Variants in FAM118A observed in about 807,000 individuals in gnomAD.
FAM118A encodes the protein protein FAM118A.
A neutral mutation model predicts 38.2 loss-of-function variants in FAM118A; 25 were observed. The observed-to-expected ratio is 0.65, with a 90% CI of 0.48 to 0.91. The LOEUF is 0.91. Among genes scored for constraint, FAM118A ranks in the 40% least tolerant of loss-of-function variants. The pLI is 0.00. For synonymous variants in FAM118A, 178 were observed against 184.1 expected (o/e 0.97, Z 0.27); for missense variants, 425 against 463.3 (o/e 0.92, Z 0.76).
At chr22:45,312,425 C>T (rs1039070820) in intron 1 of FAM118A, among the ~76,000 whole-genome samples, 10 of 152,176 alleles carry the variant, frequency 6.6e-5, no homozygotes, top group African/African-American at 2.4e-4. Flanking sequence ...GTAATCCTAG[C>T]ACTTTGGTAG....
rs2085796695 is a variant in FAM118A, at chr22:45,332,548, C to T, written c.775C>T (p.His259Tyr). 6.2e-7 allele frequency: 1 copy of T among 1,614,062 alleles called. No individual in the cohort carries two copies. Among genetic ancestry groups the T allele is most frequent in the Non-Finnish European group, 8.5e-7 (1 of 1,180,056 alleles). Residue 259 changes from histidine (H) to tyrosine (Y), a missense_variant, in exon 6 of 9, where the codon CAC becomes TAC. Physicochemically the swap from His to Tyr is moderately conservative, Grantham distance 83. Transcript: ENST00000441876. ...YSVPNKVDLEHYMLVLKENED... is the reference protein window; with the variant it reads ...YSVPNKVDLEYYMLVLKENED... ...CGTGCCGAATAAGGTGGATTTGGAG[C>T]ACTACATGCTTGTGCTGAAGGAGAA...
intron 8 of FAM118A, among the ~76,000 whole-genome samples, chr22:45,337,365 G>A (rs547873244): frequency 1.3e-5 from 2 of 152,214 alleles, no homozygotes; most frequent in Admixed American, 1.3e-4. Context: ...CCAGTGCCAC[G>A]CCGCCTGTGC....
chr22:45,308,965 T>C (rs1481303029), upstream of FAM118A: 1 of 152,228 alleles, frequency 6.6e-6, no homozygotes, highest in Non-Finnish European at 1.5e-5. Context: ...AGGAAGTGGA[T>C]TGGGTCTTGT....
intron 8 of FAM118A, chr22:45,337,692 C>T: frequency 3.7e-6 from 1 of 266,684 alleles, no homozygotes; most frequent in Non-Finnish European, 5.8e-6. Context: ...GGACTGCTAC[C>T]TCCTGAGCTC....
chr22:45,326,318 G>T (rs2085263382), intron 3 of FAM118A, among the ~76,000 whole-genome samples: 1 of 152,146 alleles, frequency 6.6e-6, no homozygotes. Context: ...CTCCTGTCAA[G>T]GCCACCGGTG....
intron 1 of FAM118A, chr22:45,322,107 C>G (rs748017057): frequency 2.1e-5 from 26 of 1,228,384 alleles, no homozygotes; most frequent in Non-Finnish European, 2.7e-5. Flanking sequence ...TTCATCTGCT[C>G]CTGTGTGTGC....
At chr22:45,319,447 G>T (rs753063206) in intron 1 of FAM118A, among the ~76,000 whole-genome samples, 1 of 152,304 alleles carries the variant, frequency 6.6e-6, no homozygotes, top group South Asian at 2.1e-4. Context: ...CCCAAGTCCT[G>T]CCCCACAGCA....
rs964954451 is a variant in FAM118A, at chr22:45,312,902, G to A, written c.-10+2719G>A. Reference sequence around the variant, plus strand: ...AACCCAGCCCTTTTATGCCTTTTATGGAGACGACTTAAGCATGTAGGCATG... The same window carrying A: ...AACCCAGCCCTTTTATGCCTTTTATAGAGACGACTTAAGCATGTAGGCATG... On this transcript the variant is annotated intron_variant, in intron 1 of 8. Coordinates refer to ENST00000441876, the MANE Select transcript of FAM118A (RefSeq NM_017911.4). Among the ~76,000 whole-genome samples the A allele has an allele frequency of 2.1e-4, 32 of 152,226 alleles. No individual in the cohort carries two copies. In the Middle Eastern group the frequency reaches 0.01, roughly 49 times the overall value.
intron 1 of FAM118A, among the ~76,000 whole-genome samples, chr22:45,321,165 G>A (rs1276275021): frequency 6.6e-6 from 1 of 152,154 alleles, no homozygotes; most frequent in Non-Finnish European, 1.5e-5. Context: ...TGCCTAGGCT[G>A]GAGTGCAGTG....
rs141212109 is a variant in FAM118A at position 45,330,708 on chromosome 22, G to A, written c.628G>A (p.Val210Ile). 42 of 1,583,352 alleles carry A rather than the reference G, an allele frequency of 2.7e-5. No homozygotes were observed. The highest frequency in any genetic ancestry group is 1.4e-4 in the South Asian group (12 of 86,638). ...VVLDPSGYKD[V>I]TQDAEVMEVL... The stretch of plus-strand genomic sequence containing the variant: ...GCTGGACCCATCGGGGTATAAAGAC[G>A]TCACTCAAGACGCAGAAGTCATGGT... Residue 210 changes from valine (V) to isoleucine (I), a missense_variant, in exon 5 of 9, where the codon GTC becomes ATC. Val to Ile is a conservative substitution (Grantham distance 29). Coordinates refer to ENST00000441876, the MANE Select transcript of FAM118A (RefSeq NM_017911.4).
At chr22:45,328,774 T>A in intron 4 of FAM118A, 1 of 323,804 alleles carries the variant, frequency 3.1e-6, no homozygotes, top group Non-Finnish European at 5.8e-6. Flanking sequence ...TGAGACCCTG[T>A]CTCAAAAAAC....
chr22:45,320,231 G>T (rs904599720), intron 1 of FAM118A, among the ~76,000 whole-genome samples: 1 of 152,046 alleles, frequency 6.6e-6, no homozygotes, highest in East Asian at 1.9e-4. Context: ...TTGGGAGGCC[G>T]ATGCAGGCGG....
intron 1 of FAM118A, among the ~76,000 whole-genome samples, chr22:45,315,456 C>A (rs1171387766): frequency 6.6e-6 from 1 of 152,206 alleles, no homozygotes; most frequent in African/African-American, 2.4e-5. Flanking sequence ...GTTGTGGTGA[C>A]TGCCTTGGAA....
intron 1 of FAM118A, chr22:45,322,062 C>T (rs956523757): frequency 3.7e-5 from 23 of 618,188 alleles, no homozygotes; most frequent in Non-Finnish European, 5.6e-5. Context: ...CAAGAGACAG[C>T]GAAAACCCCA....
chr22:45,324,523 A>G (rs977156393), intron 3 of FAM118A, among the ~76,000 whole-genome samples: 2 of 152,222 alleles, frequency 1.3e-5, no homozygotes, highest in African/African-American at 4.8e-5. Flanking sequence ...AGCTTGGGAA[A>G]TGTTTTTAGT....
intron 6 of FAM118A, chr22:45,335,048 C>T (rs1472296365): frequency 1.9e-5 from 8 of 412,158 alleles, no homozygotes; most frequent in African/African-American, 1.0e-4. Flanking sequence ...CATTTGTACT[C>T]GAATTCATGG....
intron 3 of FAM118A, among the ~76,000 whole-genome samples, chr22:45,327,442 G>A (rs1199601360): frequency 6.6e-6 from 1 of 152,086 alleles, no homozygotes; most frequent in Non-Finnish European, 1.5e-5. Context: ...CTGCCTCCGT[G>A]GCCTCTTGCT....
Position 45,317,010 on chromosome 22 carries a change from A to T in FAM118A, c.-9-5361A>T, listed in dbSNP as rs559063981. ...GTCCCTCTTGCTTCATTGTAATCAG[A>T]TGCTGCTTGGACACCCTTATCTCCT... On this transcript the variant is annotated intron_variant, in intron 1 of 8. Coordinates refer to ENST00000441876, the MANE Select transcript of FAM118A (RefSeq NM_017911.4). Among the ~76,000 whole-genome samples, 3 of 152,294 alleles carry T rather than the reference A, an allele frequency of 2.0e-5. No individual in the cohort carries two copies. In the South Asian group the frequency reaches 6.2e-4, roughly 32 times the overall value.
rs764418168 is a variant in FAM118A at position 45,323,329 on chromosome 22, G to C, written c.202G>C (p.Val68Leu). 6.2e-7 allele frequency: 1 copy of C among 1,614,180 alleles called. No homozygotes were observed. The highest frequency in any genetic ancestry group is 1.7e-5 in the Admixed American group (1 of 60,028). Residue 68 changes from valine (V) to leucine (L), a missense_variant, in exon 3 of 9, where the codon GTG becomes CTG. By Grantham distance (32) the Val-to-Leu change is conservative. Coordinates refer to ENST00000441876, the MANE Select transcript of FAM118A (RefSeq NM_017911.4). ...AVIEAAEQLEVLHPGDVAEFR... is the reference protein window; with the variant it reads ...AVIEAAEQLELLHPGDVAEFR... ...CATCGAGGCTGCAGAGCAGCTGGAG[G>C]TGCTGCACCCCGGAGACGTCGCCGA...
Sources: gnomAD v4.1 joint callset for allele counts (sites outside exome capture counted in the v4.1 genomes callset) on GRCh38, gnomAD v4.1.1 for gene constraint, MANE v1.5 for transcripts, NCBI Gene and HGNC (gene_info 2026-07-23, HGNC 2026-07-21) for gene names.